Variants in NAV1 observed in about 807,000 individuals in gnomAD.
NAV1 encodes the protein neuron navigator 1.
NAV1 carries 18 observed loss-of-function variants against 175.2 expected under a neutral mutation model. The ratio of observed to expected loss-of-function variants is 0.10; its 90% CI spans 0.07 to 0.15. The LOEUF is 0.15. Ranked by LOEUF, NAV1 falls within the 10% of genes least tolerant of loss-of-function variation. NAV1 has a pLI of 1.00. For synonymous variants in NAV1, 897 were observed against 978.7 expected (o/e 0.92, Z 1.56); for missense variants, 1,731 against 2,436.6 (o/e 0.71, Z 6.10).
At chr1:201,563,360 GTGTATCTTTCTGGGAGA>G (rs1666259123) in intron 1 of NAV1, among the ~76,000 whole-genome samples, 1 of 152,054 alleles carries the variant, frequency 6.6e-6, no homozygotes, top group Non-Finnish European at 1.5e-5. Flanking sequence ...TTTTTTTCTG[GTGTATCTTTCTGGGAGA>G]TGTATCTTTC....
chr1:201,648,662 G>C (rs551482653), exon 1 of NAV1: 4 of 1,391,346 alleles, frequency 2.9e-6, no homozygotes, highest in East Asian at 3.1e-5. Flanking sequence ...CGCTCCTCGC[G>C]GGCAGAATGC....
Position 201,750,535 on chromosome 1 carries a change from A to C in NAV1, c.1227-29886A>C, listed in dbSNP as rs190464719. On this transcript the variant is annotated intron_variant, in intron 3 of 29. Transcript: ENST00000367296. This position sits in a 1 kb window ranked among gnomAD's most constrained non-coding sequence, Gnocchi z 4.1. ...CTTAAAAAAGGGCTTGCAAGCCACC[A>C]GATTAGGTCTTTTCCATGTCTTTCT... is the stretch of plus-strand genomic sequence containing the variant. 1.8e-3 allele frequency among the ~76,000 whole-genome samples: 274 copies of C among 152,300 alleles called. No individual in the cohort carries two copies. The highest frequency in any genetic ancestry group is 3.1e-3 in the Admixed American group (47 of 15,304).
chr1:201,710,737 C>T (rs686696), intron 1 of NAV1, among the ~76,000 whole-genome samples: 54,309 of 152,132 alleles, frequency 0.36, 9,919 homozygotes, highest in Middle Eastern at 0.41. Flanking sequence ...TTTACTTGTT[C>T]TCTCTGAGTG....
intron 14 of NAV1, 23 bp downstream of exon 18, chr1:201,793,898 G>A: frequency 1.3e-6 from 2 of 1,535,634 alleles, no homozygotes; most frequent in Non-Finnish European, 9.0e-7. Flanking sequence ...GGAAAGGGTG[G>A]GAGGGGTGGG....
chr1:201,709,700 C>T (rs1346949503), intron 1 of NAV1, among the ~76,000 whole-genome samples: 2 of 152,194 alleles, frequency 1.3e-5, no homozygotes, highest in East Asian at 1.9e-4. Flanking sequence ...AGGGTGTAGC[C>T]TCTGCAGGGC....
chr1:201,710,594 C>T (rs1671864475), intron 1 of NAV1, among the ~76,000 whole-genome samples: 1 of 152,202 alleles, frequency 6.6e-6, no homozygotes, highest in Non-Finnish European at 1.5e-5. Context: ...AGCCTAAGCG[C>T]CTCCTATACA....
At chr1:201,642,496 G>C (rs1050402006) in intron 2 of NAV1, among the ~76,000 whole-genome samples, 1 of 108,240 alleles carries the variant, frequency 9.2e-6, no homozygotes, top group Non-Finnish European at 2.0e-5. Flanking sequence ...ACAGGTGTGA[G>C]CCACCGCACC....
intron 1 of NAV1, among the ~76,000 whole-genome samples, chr1:201,679,135 G>A (rs899632367): frequency 6.6e-6 from 1 of 152,164 alleles, no homozygotes; most frequent in African/African-American, 2.4e-5. Context: ...CTGAGCCTGC[G>A]GGCAGAGAGG....
At chr1:201,573,303 C>T (rs1390958390) in intron 1 of NAV1, among the ~76,000 whole-genome samples, 2 of 149,166 alleles carry the variant, frequency 1.3e-5, no homozygotes, top group Non-Finnish European at 3.0e-5. Flanking sequence ...AATGTTTCAT[C>T]TCCTGATATG....
At chr1:201,666,285 C>T (rs1669821062) in intron 1 of NAV1, among the ~76,000 whole-genome samples, 1 of 152,074 alleles carries the variant, frequency 6.6e-6, no homozygotes, top group Non-Finnish European at 1.5e-5. Context: ...CTAGTATCAG[C>T]CTGAGCCAGG....
At chr1:201,594,983 C>G (rs1287365992) in intron 2 of NAV1, among the ~76,000 whole-genome samples, 3 of 152,192 alleles carry the variant, frequency 2.0e-5, no homozygotes, top group African/African-American at 7.2e-5. Context: ...TGCTCTTGTG[C>G]CTAGCACAGC....
Position 201,812,705 on chromosome 1 carries a change from CT to C in NAV1, c.5221+48del. The stretch of plus-strand genomic sequence containing the variant: ...CCCCGGGGGTCAGGAGGTGGCTTCC[CT>C]TTTCCACTGTACCACCTGGAGGGAT... On this transcript the variant is annotated intron_variant, in intron 27 of 29. Transcript: ENST00000367296. The surrounding 1 kb of genome is among the most constrained non-coding windows in gnomAD (Gnocchi z 4.6). 1 of 1,551,216 alleles carries C rather than the reference CT, an allele frequency of 6.4e-7. No homozygotes were observed. Among genetic ancestry groups the C allele is most frequent in the African/African-American group, 1.4e-5 (1 of 73,732 alleles).
chr1:201,783,870 C>T lies in NAV1; in HGVS notation c.2804+18C>T, dbSNP rs1357329998. ...CTGGACAGGTAGGTAGAAAAGACAGCAGAACCTCGGCCTGTCTCCGTGTCT... is the reference window on the plus strand; with the variant it reads ...CTGGACAGGTAGGTAGAAAAGACAGTAGAACCTCGGCCTGTCTCCGTGTCT... On this transcript the variant is annotated intron_variant, in intron 7 of 29. Coordinates refer to ENST00000367296, the Ensembl canonical transcript of NAV1. 3.2e-6 allele frequency: 5 copies of T among 1,585,972 alleles called. No individual in the cohort carries two copies. The highest frequency in any genetic ancestry group is 1.7e-4 in the Middle Eastern group (1 of 5,920).
At chr1:201,684,968 A>C (rs1487624837) in intron 1 of NAV1, among the ~76,000 whole-genome samples, 3 of 150,858 alleles carry the variant, frequency 2.0e-5, no homozygotes, top group East Asian at 4.0e-4. Flanking sequence ...TCTCAAAAAA[A>C]AAAAAAAAAC....
chr1:201,758,016 T>C (rs1674621816), intron 3 of NAV1, among the ~76,000 whole-genome samples: 4 of 152,224 alleles, frequency 2.6e-5, no homozygotes, highest in African/African-American at 9.6e-5. Flanking sequence ...CTCAGTATGG[T>C]GGCCCCACTT....
intron 1 of NAV1, among the ~76,000 whole-genome samples, chr1:201,696,036 A>G (rs1289309794): frequency 6.6e-6 from 1 of 152,224 alleles, no homozygotes; most frequent in Non-Finnish European, 1.5e-5. Context: ...CATCGGAAGA[A>G]GCGGGGACTG....
intron 1 of NAV1, among the ~76,000 whole-genome samples, chr1:201,559,801 G>A (rs903578252): frequency 3.3e-5 from 5 of 152,356 alleles, no homozygotes; most frequent in Non-Finnish European, 5.9e-5. Flanking sequence ...GCCTTTGTCT[G>A]CATGGCCTTG....
intron 1 of NAV1, among the ~76,000 whole-genome samples, chr1:201,543,162 G>A (rs1252064407): frequency 1.3e-5 from 2 of 152,172 alleles, no homozygotes; most frequent in Non-Finnish European, 2.9e-5. Flanking sequence ...TCAGTATAAT[G>A]TTGAGTGGCA....
chr1:201,781,309 G>A (rs969257345), exon 5 of NAV1: 1 of 1,603,880 alleles, frequency 6.2e-7, no homozygotes, highest in South Asian at 1.1e-5. Flanking sequence ...CAAAGTCGCA[G>A]GTGAGCCTGG....
Sources: gnomAD v4.1 joint callset for allele counts (sites outside exome capture counted in the v4.1 genomes callset) on GRCh38, gnomAD v4.1.1 for gene constraint, Gnocchi (gnomAD v3.1) non-coding constraint, MANE v1.5 for transcripts, NCBI Gene and HGNC (gene_info 2026-07-23, HGNC 2026-07-21) for gene names.